Variants in HELZ observed in about 807,000 individuals in gnomAD.
HELZ encodes the protein ATP-dependent RNA helicase with zinc finger domain.
Under a neutral mutation model 218.2 loss-of-function variants are expected in HELZ, and 23 were observed. The ratio of observed to expected loss-of-function variants is 0.11; its 90% confidence interval spans 0.08 to 0.15. The LOEUF (loss-of-function observed/expected upper bound fraction) is 0.15, where lower values mean the gene tolerates loss of function less well. HELZ is among the 10% of genes least tolerant of loss of function. HELZ has a pLI of 1.00. For missense variants in HELZ, 1,813 were observed against 2,353.7 expected (o/e 0.77, Z 4.75); for synonymous variants, 814 against 829.4 (o/e 0.98, Z 0.32).
chr17:67,098,170 T>C (rs2036807262), intron 31 of HELZ, among the ~76,000 whole-genome samples: 1 of 152,202 alleles, frequency 6.6e-6, no homozygotes, highest in Non-Finnish European at 1.5e-5. Context: ...CATTTCTCAT[T>C]TTCTAAGAAT....
At position 67,086,811 on chromosome 17, in the gene HELZ, C is replaced by T. The variant is rs370836769; in HGVS notation, c.5494+18G>A. The T allele has an allele frequency of 4.3e-6, 7 of 1,612,104 alleles. No homozygotes were observed. The highest frequency in any genetic ancestry group is 5.1e-6 in the Non-Finnish European group (6 of 1,178,810). ...GCTGAGGAGTACAGATTAGTTTTAG[C>T]CACCAACTCTGTCTTACCTATCAAC... On this transcript the variant is annotated intron_variant, in intron 32 of 32. Coordinates refer to ENST00000358691, the MANE Select transcript of HELZ (RefSeq NM_014877.4).
intron 3 of HELZ, among the ~76,000 whole-genome samples, chr17:67,220,849 T>TCCCC (rs574120008): frequency 1.7e-5 from 2 of 114,422 alleles, no homozygotes; most frequent in African/African-American, 3.3e-5. Context: ...TTAAGATAAC[T>TCCCC]CCCCCCCCCC....
At position 67,113,321 on chromosome 17, in the gene HELZ, G is replaced by A. The variant is rs138821360; in HGVS notation, c.3918+1003C>T. 6.8e-3 allele frequency among the ~76,000 whole-genome samples: 1,034 copies of A among 151,976 alleles called. 8 individuals carry two copies. The highest frequency in any genetic ancestry group is 0.01 in the Non-Finnish European group (686 of 67,962). ...GTCGCCCTGGTTGGAGTGCAGTGGC[G>A]TGATCTTGGCTCACTGCAAGCTCCG... On this transcript the variant is annotated intron_variant, in intron 28 of 32. Transcript: ENST00000358691.
rs981339380 is a variant in HELZ, at chr17:67,073,917, T to C, written c.*4335A>G. ...GATGGGAAATGTGAGGAGCATATCA[T>C]AATGAGCATTTTCAAGACTAACATG... On this transcript the variant is annotated 3_prime_UTR_variant, in exon 33 of 33. Transcript: ENST00000358691. 1 of 152,148 alleles carries C rather than the reference T, an allele frequency of 6.6e-6. No individual in the cohort carries two copies. Among genetic ancestry groups the C allele is most frequent in the Non-Finnish European group, 1.5e-5 (1 of 68,018 alleles). The allele number at this position is 152,148 out of a possible 1,614,324, so 9.4% of individuals were successfully genotyped here.
At chr17:67,089,698 G>GAGAGAGAGAGAGAC (rs1379133150) in intron 31 of HELZ, among the ~76,000 whole-genome samples, 15 of 139,530 alleles carry the variant, frequency 1.1e-4, no homozygotes, top group African/African-American at 4.2e-4. Flanking sequence ...GAGAGAGAGA[G>GAGAGAGAGAGAGAC]AGACAGAGAG....
At chr17:67,110,208 C>T (rs2037239186) in intron 28 of HELZ, among the ~76,000 whole-genome samples, 1 of 152,028 alleles carries the variant, frequency 6.6e-6, no homozygotes, top group South Asian at 2.1e-4. Flanking sequence ...GCTGGGATTA[C>T]AGGCATGCAC....
intron 21 of HELZ, among the ~76,000 whole-genome samples, chr17:67,145,324 G>A (rs2038461327): frequency 6.6e-6 from 1 of 152,162 alleles, no homozygotes; most frequent in Non-Finnish European, 1.5e-5. Flanking sequence ...TCATGGAATT[G>A]CAACATCGCT....
chr17:67,212,774 A>G (rs1040266869), intron 5 of HELZ, among the ~76,000 whole-genome samples: 1 of 152,180 alleles, frequency 6.6e-6, no homozygotes, highest in African/African-American at 2.4e-5. Flanking sequence ...TCTCTTTTAC[A>G]CACAGCACTG....
At chr17:67,114,197 T>C in intron 28 of HELZ, 127 bp downstream of exon 28, 1 of 669,118 alleles carries the variant, frequency 1.5e-6, no homozygotes, top group South Asian at 1.8e-5. Context: ...GCTCACTATA[T>C]CCCTGTGAAA....
chr17:67,226,982 T>C (rs2040910650), intron 3 of HELZ, among the ~76,000 whole-genome samples: 1 of 152,028 alleles, frequency 6.6e-6, no homozygotes, highest in Admixed American at 6.5e-5. Context: ...TGAGCAGGTA[T>C]GGGGTGGGTA....
rs762151508 is a variant in HELZ, at chr17:67,114,391, G to T, written c.3851C>A (p.Thr1284Lys). 6.2e-7 allele frequency: 1 copy of T among 1,604,440 alleles called. No homozygotes were observed. The highest frequency in any genetic ancestry group is 8.5e-7 in the Non-Finnish European group (1 of 1,171,486). ...HEQNRNGKSD[T>K]NNSGPEINKI... ...ATTAATTTCAGGTCCGGAATTATTT[G>T]TATCACTTTTACCTAAGAAAATATT... The change falls in exon 28 of 33, where the codon ACA (threonine) becomes AAA (lysine). Residue 1284 changes from threonine (T) to lysine (K), a missense_variant. This residue lies in a region of HELZ where 938 missense variants were observed against 1,027.5 expected (regional missense o/e 0.91). Coordinates refer to ENST00000358691, the MANE Select transcript of HELZ (RefSeq NM_014877.4).
chr17:67,176,132 GA>G (rs2144208891), intron 13 of HELZ, among the ~76,000 whole-genome samples: 1 of 152,174 alleles, frequency 6.6e-6, no homozygotes, highest in Non-Finnish European at 1.5e-5. Context: ...CAAAAGTAGA[GA>G]AAACTATTAC....
chr17:67,154,488 ATACTAAT>A (rs1256154633), intron 17 of HELZ, among the ~76,000 whole-genome samples: 3 of 152,162 alleles, frequency 2.0e-5, no homozygotes, highest in African/African-American at 7.2e-5. Context: ...TTATTGTCTG[ATACTAAT>A]TACTAAGTAA....
chr17:67,114,787 C>G (rs1463958837), intron 27 of HELZ, among the ~76,000 whole-genome samples: 1 of 152,030 alleles, frequency 6.6e-6, no homozygotes. Context: ...TGCAATTAAG[C>G]AAAAATCTAA....
rs1362953413 is a variant in HELZ, at chr17:67,188,401, A to C, written c.1080T>G (p.Thr360=). Residue 360 remains threonine (T), a synonymous_variant, in exon 12 of 33, where the codon ACT becomes ACG. Coordinates refer to ENST00000358691, the MANE Select transcript of HELZ (RefSeq NM_014877.4). This position sits in a 1 kb window ranked among gnomAD's most constrained non-coding sequence, Gnocchi z 4.1. ...AGTCGAAAACTATGGTTTGGCGAAA[A>C]GTTCCAAATATTTCTGTGTTAAATG... ...GIAFNTEIFG[T]FRQTIVFDFG... The C allele has an allele frequency of 6.2e-7, 1 of 1,613,804 alleles. No individual in the cohort carries two copies. Among genetic ancestry groups the C allele is most frequent in the Non-Finnish European group, 8.5e-7 (1 of 1,179,870 alleles).
chr17:67,199,191 AATTGCGATTTTGCC>A (rs2040104030), intron 7 of HELZ, among the ~76,000 whole-genome samples: 1 of 151,006 alleles, frequency 6.6e-6, no homozygotes, highest in South Asian at 2.1e-4. Context: ...GTGCAAAAGT[AATTGCGATTTTGCC>A]ATTACTTTTT....
chr17:67,076,471 CTA>C lies in HELZ; in HGVS notation c.*1779_*1780del, dbSNP rs1208543831. The C allele has an allele frequency of 1.3e-5, 2 of 152,286 alleles. No homozygotes were observed. The highest frequency in any genetic ancestry group is 4.8e-5 in the African/African-American group (2 of 41,442). 9.4% of individuals were successfully genotyped at this position (152,286 alleles called of 1,614,324 possible). On this transcript the variant is annotated 3_prime_UTR_variant, in exon 33 of 33. Transcript: ENST00000358691. ...ATTAACACGTCTGCAGTTTACAAGT[CTA>C]TGTCTGCCACCTTACACAGAGACCC...
chr17:67,112,371 G>A (rs369698152), intron 28 of HELZ, among the ~76,000 whole-genome samples: 1 of 152,296 alleles, frequency 6.6e-6, no homozygotes, highest in African/African-American at 2.4e-5. Context: ...CCTAAGACTC[G>A]TGCGATTGGT....
At chr17:67,211,996 G>C (rs766232064) in intron 5 of HELZ, among the ~76,000 whole-genome samples, 28 of 152,082 alleles carry the variant, frequency 1.8e-4, no homozygotes, top group Non-Finnish European at 3.2e-4. Context: ...GGAGAGGAGA[G>C]GAGCTGCAAT....
Sources: gnomAD v4.1 joint callset for allele counts (sites outside exome capture counted in the v4.1 genomes callset) on GRCh38, gnomAD v4.1.1 for gene constraint, gnomAD v4.1.1 regional missense constraint, Gnocchi (gnomAD v3.1) non-coding constraint, MANE v1.5 for transcripts, NCBI Gene and HGNC (gene_info 2026-07-23, HGNC 2026-07-21) for gene names.